MACROD2: variants seen among roughly 807,000 people sequenced by gnomAD.
The protein encoded by MACROD2 is mono-ADP ribosylhydrolase 2, also known as ADP-ribose glycohydrolase MACROD2.
In MACROD2, 36 loss-of-function variants were observed where a neutral mutation model predicts 70.4. The ratio of observed to expected loss-of-function variants is 0.51; its 90% CI spans 0.39 to 0.68. The LOEUF (loss-of-function observed/expected upper bound fraction) is 0.68, where lower values mean the gene tolerates loss of function less well. Ranked by LOEUF, MACROD2 falls within the 30% of genes least tolerant of loss-of-function variation. The pLI is 0.00. For missense variants in MACROD2, 496 were observed against 538.4 expected, an observed-to-expected ratio of 0.92 and a Z score of 0.78; for synonymous variants, 172 against 178.8, an observed-to-expected ratio of 0.96 and a Z score of 0.30.
chr20:15,427,972 A>G (rs2046320356), intron 6 of MACROD2, among the ~76,000 whole-genome samples: 1 of 152,156 alleles, frequency 6.6e-6, no homozygotes, highest in African/African-American at 2.4e-5. Context: ...TGCTAAACTT[A>G]CCACAATGCA....
At position 14,952,037 on chromosome 20, in the gene MACROD2, C is replaced by T. The variant is rs1044461852; in HGVS notation, c.418+267078C>T. ...GGCCTCTCCCATACCATCCTGCCCT[C>T]CCCTGTGACTGTAACTTACCAGTGG... On this transcript the variant is annotated intron_variant, in intron 5 of 17. Transcript: ENST00000684519. 1.1e-4 allele frequency among the ~76,000 whole-genome samples: 16 copies of T among 152,034 alleles called. No homozygotes were observed. In the South Asian group the frequency reaches 3.3e-3, roughly 32 times the overall value.
At chr20:14,192,616 G>T (rs2081397701) in intron 3 of MACROD2, among the ~76,000 whole-genome samples, 1 of 152,150 alleles carries the variant, frequency 6.6e-6, no homozygotes. Flanking sequence ...AAGATGTGTA[G>T]CTGGGGTCTG....
chr20:14,007,361 A>G (rs1216695444), intron 2 of MACROD2, among the ~76,000 whole-genome samples: 5 of 151,914 alleles, frequency 3.3e-5, no homozygotes, highest in Non-Finnish European at 2.9e-5. Context: ...ATCATTTTCA[A>G]TTTGCCCCTT....
chr20:15,284,712 A>G (rs1311785057), intron 6 of MACROD2, among the ~76,000 whole-genome samples: 1 of 152,190 alleles, frequency 6.6e-6, no homozygotes, highest in Admixed American at 6.5e-5. Context: ...TAGGTAACCC[A>G]GTAGTTACTC....
chr20:15,925,806 C>T (rs1257401473), intron 10 of MACROD2, among the ~76,000 whole-genome samples: 3 of 152,190 alleles, frequency 2.0e-5, no homozygotes, highest in East Asian at 3.8e-4. Flanking sequence ...CATTTTTCCT[C>T]TTCCTTCTAC....
At chr20:14,811,374 T>A (rs1338893053) in intron 5 of MACROD2, among the ~76,000 whole-genome samples, 2 of 152,128 alleles carry the variant, frequency 1.3e-5, no homozygotes. Flanking sequence ...TTGGGAAAAC[T>A]GGCTAGCTGT....
chr20:14,171,255 C>T lies in MACROD2; in HGVS notation c.271+85527C>T, dbSNP rs184049101. On this transcript the variant is annotated intron_variant, in intron 3 of 17. Coordinates refer to ENST00000684519, the MANE Select transcript of MACROD2 (RefSeq NM_001351661.2). ...CTCTCTTCTTGGTTAGTCTCACTAA[C>T]GTTATTAAGTTTGTTAATTAATTTT... Among the ~76,000 whole-genome samples, 457 of 152,080 alleles carry T rather than the reference C, an allele frequency of 3.0e-3. 2 individuals carry two copies. The highest frequency in any genetic ancestry group is 0.01 in the African/African-American group (429 of 41,506).
intron 3 of MACROD2, among the ~76,000 whole-genome samples, chr20:14,471,747 G>A (rs2084533251): frequency 6.6e-6 from 1 of 152,092 alleles, no homozygotes; most frequent in Non-Finnish European, 1.5e-5. Flanking sequence ...TTTCTAACGT[G>A]TAGTTATCTG....
intron 3 of MACROD2, among the ~76,000 whole-genome samples, chr20:14,376,341 G>C (rs545082039): frequency 6.6e-6 from 1 of 152,238 alleles, no homozygotes; most frequent in South Asian, 2.1e-4. Context: ...TAGTGCATTA[G>C]TAATAGTTTC....
chr20:15,766,027 C>T (rs1483572887), intron 8 of MACROD2, among the ~76,000 whole-genome samples: 3 of 152,210 alleles, frequency 2.0e-5, no homozygotes, highest in African/African-American at 4.8e-5. Context: ...CTTACTCCTC[C>T]ATCTGAAGAT....
chr20:15,795,019 G>C (rs2063660357), intron 8 of MACROD2, among the ~76,000 whole-genome samples: 1 of 152,106 alleles, frequency 6.6e-6, no homozygotes, highest in Non-Finnish European at 1.5e-5. Context: ...ATTTGACGGA[G>C]CATATCTTGT....
In MACROD2 at chr20:15,848,367, G is replaced by C. The variant is rs568730516; in HGVS notation, c.646-14378G>C. Among the ~76,000 whole-genome samples, 200 of 148,892 alleles carry C rather than the reference G, an allele frequency of 1.3e-3. 7 individuals are homozygous for C. The South Asian group carries it at 0.038, about 28-fold the overall frequency. ...AAAGTCACTGTACAAGCCAGGGGGA[G>C]GGGGGGGTCATCTTCCTCAAGGATT... On this transcript the variant is annotated intron_variant, in intron 8 of 17. Coordinates refer to ENST00000684519, the MANE Select transcript of MACROD2 (RefSeq NM_001351661.2).
chr20:14,469,504 A>G (rs540751901), intron 3 of MACROD2, among the ~76,000 whole-genome samples: 2 of 152,030 alleles, frequency 1.3e-5, no homozygotes, highest in South Asian at 4.2e-4. Flanking sequence ...GTTCTGGATA[A>G]TATCCTGAGG....
At chr20:15,339,163 G>A (rs1543399) in intron 6 of MACROD2, among the ~76,000 whole-genome samples, 101,551 of 151,692 alleles carry the variant, frequency 0.67, 34,926 homozygotes, top group African/African-American at 0.81. Context: ...TGTATAAATA[G>A]ATAGGTAGAT....
chr20:15,523,866 G>A (rs1481413663), intron 8 of MACROD2, among the ~76,000 whole-genome samples: 1 of 152,130 alleles, frequency 6.6e-6, no homozygotes, highest in Non-Finnish European at 1.5e-5. Flanking sequence ...TAGCTATCAT[G>A]TTCTCTATCT....
At chr20:15,599,888 T>A (rs1347969971) in intron 8 of MACROD2, among the ~76,000 whole-genome samples, 2 of 152,174 alleles carry the variant, frequency 1.3e-5, no homozygotes, top group Non-Finnish European at 2.9e-5. Context: ...GGAATGCTTT[T>A]CCAGAACCCC....
At chr20:15,837,133 A>G (rs1219223627) in intron 8 of MACROD2, among the ~76,000 whole-genome samples, 50 of 152,214 alleles carry the variant, frequency 3.3e-4, no homozygotes, top group Admixed American at 3.3e-3. Context: ...TGTACCATGA[A>G]GGATAGTAGA....
At chr20:15,033,955 A>G (rs551864330) in intron 5 of MACROD2, among the ~76,000 whole-genome samples, 1 of 152,302 alleles carries the variant, frequency 6.6e-6, no homozygotes, top group Admixed American at 6.5e-5. Flanking sequence ...ACGGCAAATG[A>G]TAGTCTAACA....
intron 5 of MACROD2, among the ~76,000 whole-genome samples, chr20:14,793,412 A>G (rs942604708): frequency 6.6e-6 from 1 of 151,962 alleles, no homozygotes; most frequent in Non-Finnish European, 1.5e-5. Context: ...TATTCATTAC[A>G]TAGACTGATA....
Sources: gnomAD v4.1 joint callset for allele counts (sites outside exome capture counted in the v4.1 genomes callset) on GRCh38, gnomAD v4.1.1 for gene constraint, MANE v1.5 for transcripts, NCBI Gene and HGNC (gene_info 2026-07-23, HGNC 2026-07-21) for gene names.